Variants in PDCD10 observed in about 807,000 individuals in gnomAD.
PDCD10 encodes the protein programmed cell death 10.
In PDCD10, 4 loss-of-function variants were observed where a neutral mutation model predicts 29.2. The observed-to-expected ratio is 0.14, with a 90% CI of 0.07 to 0.31. PDCD10 has a LOEUF of 0.31. Among genes scored for constraint, PDCD10 ranks in the 10% least tolerant of loss-of-function variants. The pLI is 1.00. For missense variants in PDCD10, 183 were observed against 257.9 expected, an observed-to-expected ratio of 0.71 and a Z score of 1.99; for synonymous variants, 70 against 82.2, an observed-to-expected ratio of 0.85 and a Z score of 0.80.
chr3:167,707,765 A>G (rs888986052), intron 3 of PDCD10, among the ~76,000 whole-genome samples: 1 of 152,232 alleles, frequency 6.6e-6, no homozygotes, highest in Admixed American at 6.5e-5. Flanking sequence ...CATACACTGT[A>G]TTTTGGGTCC....
At chr3:167,699,987 C>A (rs553476922) in intron 4 of PDCD10, among the ~76,000 whole-genome samples, 1 of 152,156 alleles carries the variant, frequency 6.6e-6, no homozygotes, top group East Asian at 1.9e-4. Flanking sequence ...TTAGTATTTA[C>A]TATAAAATAG....
intron 4 of PDCD10, among the ~76,000 whole-genome samples, chr3:167,703,277 TA>T (rs370657600): frequency 1.3e-5 from 2 of 149,898 alleles, no homozygotes; most frequent in African/African-American, 2.4e-5. Context: ...AAAACAACAA[TA>T]AAAAAAAAGA....
At chr3:167,705,630 A>G (rs949541387) in intron 3 of PDCD10, among the ~76,000 whole-genome samples, 2 of 152,186 alleles carry the variant, frequency 1.3e-5, no homozygotes, top group African/African-American at 4.8e-5. Flanking sequence ...AGCAAAAGCA[A>G]CAGAATCTGA....
intron 6 of PDCD10, 83 bp from the exon 7 acceptor site, chr3:167,687,776 A>G (rs965773573): frequency 5.3e-6 from 4 of 759,816 alleles, no homozygotes; most frequent in African/African-American, 5.1e-5. Context: ...TTTGAAAGAA[A>G]TTAAGTACAC....
At chr3:167,691,175 G>A (rs1030677521) in intron 6 of PDCD10, among the ~76,000 whole-genome samples, 1 of 152,040 alleles carries the variant, frequency 6.6e-6, no homozygotes, top group African/African-American at 2.4e-5. Context: ...ATTAATAATG[G>A]TAAGAACATA....
At chr3:167,733,534 C>A (rs1725035618) in intron 2 of PDCD10, among the ~76,000 whole-genome samples, 4 of 152,190 alleles carry the variant, frequency 2.6e-5, no homozygotes, top group Admixed American at 2.6e-4. Context: ...CAGACACACA[C>A]ACAAATACAG....
At chr3:167,720,565 T>C (rs1285925548) in intron 2 of PDCD10, among the ~76,000 whole-genome samples, 1 of 152,056 alleles carries the variant, frequency 6.6e-6, no homozygotes, top group Non-Finnish European at 1.5e-5. Context: ...GGAATAATGA[T>C]GTATGTCATG....
At chr3:167,698,956 G>C (rs1721090250) in intron 4 of PDCD10, among the ~76,000 whole-genome samples, 1 of 152,064 alleles carries the variant, frequency 6.6e-6, no homozygotes, top group Non-Finnish European at 1.5e-5. Context: ...AGTGCCAAAA[G>C]ATACACCTCA....
chr3:167,693,059 A>G (rs1052889465), intron 6 of PDCD10, among the ~76,000 whole-genome samples: 1 of 152,244 alleles, frequency 6.6e-6, no homozygotes, highest in African/African-American at 2.4e-5. Flanking sequence ...ATTCCTTGAT[A>G]GCTGGGTTGC....
At chr3:167,686,737 C>T (rs952838823) in intron 8 of PDCD10, among the ~76,000 whole-genome samples, 3 of 152,150 alleles carry the variant, frequency 2.0e-5, no homozygotes, top group African/African-American at 7.2e-5. Context: ...ACTCTGATGC[C>T]ACTAAAGTTT....
chr3:167,721,887 C>T (rs1333014726), intron 2 of PDCD10, among the ~76,000 whole-genome samples: 1 of 151,982 alleles, frequency 6.6e-6, no homozygotes, highest in Non-Finnish European at 1.5e-5. Flanking sequence ...GGAAGAATAA[C>T]GACAAGGAAA....
chr3:167,733,876 A>G (rs1050664156), intron 2 of PDCD10, among the ~76,000 whole-genome samples: 14 of 152,364 alleles, frequency 9.2e-5, no homozygotes, highest in South Asian at 6.2e-4. Context: ...CCCTAAAAAA[A>G]GGGGAAAAAT....
intron 2 of PDCD10, among the ~76,000 whole-genome samples, chr3:167,725,761 G>C (rs1577374100): frequency 1.8e-5 from 1 of 54,712 alleles, no homozygotes; most frequent in Non-Finnish European, 3.5e-5. Flanking sequence ...CCATTGTATC[G>C]TTTATATATA....
At chr3:167,699,569 AT>A in intron 4 of PDCD10, among the ~76,000 whole-genome samples, 1 of 152,334 alleles carries the variant, frequency 6.6e-6, no homozygotes, top group East Asian at 1.9e-4. Context: ...CAGGGAGACA[AT>A]CTACAACTCT....
chr3:167,701,440 C>T lies in PDCD10; in HGVS notation c.150+3402G>A, dbSNP rs139978802. On this transcript the variant is annotated intron_variant, in intron 4 of 8. Transcript: ENST00000392750. ...CTTGAACTTCTGGCCTCTGGCCTCA[C>T]ACTTCAGCCTCCCAAAGTGCTAGGA... Among the ~76,000 whole-genome samples, 1,097 of 152,302 alleles carry T rather than the reference C, an allele frequency of 7.2e-3. 10 individuals carry two copies. The highest frequency in any genetic ancestry group is 0.025 in the African/African-American group (1,048 of 41,558).
intron 5 of PDCD10, 148 bp from the exon 6 acceptor site, chr3:167,695,870 T>C: frequency 2.6e-6 from 2 of 764,218 alleles, no homozygotes; most frequent in Non-Finnish European, 2.3e-6. Flanking sequence ...CAGAATTCAT[T>C]AGCGTTTGAC....
In PDCD10 at chr3:167,697,049, G is replaced by A. The variant is rs377093246; in HGVS notation, c.228C>T (p.Phe76=). The A allele has an allele frequency of 8.1e-6, 13 of 1,608,820 alleles. No homozygotes were observed. The highest frequency in any genetic ancestry group is 1.3e-5 in the African/African-American group (1 of 74,828). Residue 76 remains phenylalanine, a synonymous_variant, in exon 5 of 9, where the codon TTC becomes TTT. Transcript: ENST00000392750. ...ILEKKSVEVN[F]TESLLRMAAD... The stretch of plus-strand genomic sequence containing the variant: ...CTGCCATACGAAGAAGGGACTCCGT[G>A]AAGTTAACTTCCACGCTTTTTTTCT...
In PDCD10 at chr3:167,733,320, A is replaced by C. The variant is rs1725007964; in HGVS notation, c.-117+894T>G. Among the ~76,000 whole-genome samples, 3 of 152,210 alleles carry C rather than the reference A, an allele frequency of 2.0e-5. No homozygotes were observed. In the South Asian group the frequency reaches 6.2e-4, roughly 32 times the overall value. Reference sequence around the variant, plus strand: ...ACATACTCTAACAATTCTATTAAAAACTTATCCAATAATAATAGTCATGAG... The same window carrying C: ...ACATACTCTAACAATTCTATTAAAACCTTATCCAATAATAATAGTCATGAG... On this transcript the variant is annotated intron_variant, in intron 2 of 8. Transcript: ENST00000392750.
At chr3:167,726,522 A>G (rs371943302) in intron 2 of PDCD10, among the ~76,000 whole-genome samples, 121 of 152,264 alleles carry the variant, frequency 7.9e-4, no homozygotes, top group Middle Eastern at 3.4e-3. Flanking sequence ...CTCAGTTTGA[A>G]TTTTTGCTCA....
Sources: allele counts gnomAD v4.1 joint callset (sites outside exome capture counted in the v4.1 genomes callset), GRCh38; gene constraint gnomAD v4.1.1; transcripts MANE v1.5; gene names NCBI Gene and HGNC (gene_info 2026-07-23, HGNC 2026-07-21).